LRRIQ1: variants seen among roughly 807,000 people sequenced by gnomAD.
The protein encoded by LRRIQ1 is leucine rich repeats and IQ motif containing 1, also known as leucine-rich repeat- and IQ domain-containing protein 1.
A neutral mutation model predicts 211.9 loss-of-function variants in LRRIQ1; 210 were observed. The ratio of observed to expected loss-of-function variants is 0.99; its 90% CI spans 0.89 to 1.11. LRRIQ1 has a LOEUF of 1.11. Among genes scored for constraint, LRRIQ1 ranks in the 50% most tolerant of loss-of-function variants. LRRIQ1 has a pLI of 0.00. For synonymous variants in LRRIQ1, 699 were observed against 650.1 expected (o/e 1.08, Z -1.14); for missense variants, 2,136 against 1,939.5 (o/e 1.10, Z -1.90).
intron 24 of LRRIQ1, among the ~76,000 whole-genome samples, chr12:85,214,747 AACTT>A (rs140049840): frequency 9.3e-4 from 142 of 152,218 alleles, no homozygotes; most frequent in African/African-American, 3.2e-3. Context: ...AAAAATATAA[AACTT>A]ACAGAAGATA....
At chr12:85,065,101 GC>G (rs937177676) in intron 8 of LRRIQ1, among the ~76,000 whole-genome samples, 160 bp from the exon 9 acceptor site, 2 of 151,796 alleles carry the variant, frequency 1.3e-5, no homozygotes, top group African/African-American at 4.8e-5. Context: ...AACAAAAGAG[GC>G]CAGATAGCTT....
intron 26 of LRRIQ1, 63 bp downstream of exon 26, chr12:85,232,819 C>T (rs1262720076): frequency 1.8e-6 from 2 of 1,093,838 alleles, no homozygotes; most frequent in Non-Finnish European, 1.4e-6. Flanking sequence ...ATAAATGGCA[C>T]TTTAAGATAT....
intron 24 of LRRIQ1, among the ~76,000 whole-genome samples, chr12:85,179,626 G>A (rs1459506061): frequency 6.6e-6 from 1 of 151,900 alleles, no homozygotes; most frequent in Non-Finnish European, 1.5e-5. Flanking sequence ...AAATAGTTCA[G>A]TATATCCCCA....
downstream of LRRIQ1, among the ~76,000 whole-genome samples, chr12:85,248,116 G>T (rs1895785926): frequency 6.6e-6 from 1 of 151,558 alleles, no homozygotes; most frequent in South Asian, 2.1e-4. Context: ...CTCATTTAAT[G>T]CTTAAAGTAT....
In LRRIQ1 at chr12:85,192,921, A is replaced by AGTT. The variant is rs1157746244; in HGVS notation, c.4822+32207_4822+32208insGTT. 9.8e-4 allele frequency among the ~76,000 whole-genome samples: 93 copies of AGTT among 94,484 alleles called. 5 individuals are homozygous for AGTT. Among genetic ancestry groups the AGTT allele is most frequent in the African/African-American group, 3.8e-3 (86 of 22,556 alleles). The allele number at this position is 94,484 out of a possible 152,430, so 62.0% of individuals were successfully genotyped here. On this transcript the variant is annotated intron_variant, in intron 24 of 26. Coordinates refer to ENST00000393217, the MANE Select transcript of LRRIQ1 (RefSeq NM_001079910.2). ...ATACTATAATTATACATAAATATAT[A>AGTT]ATTATATAATATAATTATATATAAA...
rs1219904915 is a variant in LRRIQ1 at position 85,056,264 on chromosome 12, C to T, written c.1471C>T (p.Arg491Ter). The change falls in exon 8 of 27, where the codon CGA (arginine) becomes TGA (stop). Residue 491 changes from arginine (R) to a stop codon, truncating the protein, a stop_gained. Coordinates refer to ENST00000393217, the MANE Select transcript of LRRIQ1 (RefSeq NM_001079910.2). LOFTEE classifies it high-confidence loss of function. ...EEKNENLAKK[R>*]CSEELVKQER... ...AAAAAATGAAAACCTAGCAAAAAAA[C>T]GATGTTCAGAAGAATTGGTCAAGCA... The T allele has an allele frequency of 2.4e-5, 37 of 1,569,462 alleles. No individual in the cohort carries two copies. The highest frequency in any genetic ancestry group is 2.8e-5 in the African/African-American group (2 of 71,942).
chr12:85,177,109 G>A (rs139726878), intron 24 of LRRIQ1, among the ~76,000 whole-genome samples: 1 of 152,062 alleles, frequency 6.6e-6, no homozygotes, highest in Non-Finnish European at 1.5e-5. Context: ...AAGTCACTGG[G>A]TAAATTGAAT....
intron 23 of LRRIQ1, among the ~76,000 whole-genome samples, chr12:85,155,801 T>G (rs1445499264): frequency 2.0e-5 from 3 of 151,724 alleles, no homozygotes; most frequent in Non-Finnish European, 3.0e-5. Flanking sequence ...TATAGGTCTT[T>G]CTTGCCAACT....
chr12:85,156,512 A>G (rs916548544), intron 23 of LRRIQ1, among the ~76,000 whole-genome samples: 1 of 151,720 alleles, frequency 6.6e-6, no homozygotes, highest in Non-Finnish European at 1.5e-5. Flanking sequence ...TTTTCTTCTT[A>G]TAGAATAAAA....
chr12:85,094,358 A>T lies in LRRIQ1; in HGVS notation c.2888-3997A>T, dbSNP rs982438922. 9.2e-5 allele frequency among the ~76,000 whole-genome samples: 14 copies of T among 152,276 alleles called. No homozygotes were observed. The East Asian group carries it at 2.7e-3, about 29-fold the overall frequency. ...ATATACTAAAATGTAATAATAATAA[A>T]AATAAATTTCACAATAAAGGCAATT... On this transcript the variant is annotated intron_variant, in intron 11 of 26. Coordinates refer to ENST00000393217, the MANE Select transcript of LRRIQ1 (RefSeq NM_001079910.2).
intron 15 of LRRIQ1, among the ~76,000 whole-genome samples, chr12:85,109,208 T>A (rs562667973): frequency 6.6e-6 from 1 of 152,318 alleles, no homozygotes; most frequent in South Asian, 2.1e-4. Context: ...GAATAGTCTG[T>A]CTTCCCACTC....
chr12:85,220,359 A>T (rs1481915251), intron 24 of LRRIQ1, among the ~76,000 whole-genome samples: 1 of 152,056 alleles, frequency 6.6e-6, no homozygotes, highest in African/African-American at 2.4e-5. Flanking sequence ...TTGAATCTTA[A>T]TCTCCCTCAC....
At chr12:85,134,597 C>T (rs539138363) in intron 18 of LRRIQ1, among the ~76,000 whole-genome samples, 68 of 152,146 alleles carry the variant, frequency 4.5e-4, no homozygotes, top group African/African-American at 1.3e-3. Flanking sequence ...TGTTCCTTTG[C>T]ATTTCCATCA....
chr12:85,135,051 G>A (rs969488020), intron 18 of LRRIQ1, among the ~76,000 whole-genome samples: 3 of 151,914 alleles, frequency 2.0e-5, no homozygotes, highest in African/African-American at 4.8e-5. Flanking sequence ...ACAAATTCCT[G>A]TAGCATTTAA....
rs1477726714 is a variant in LRRIQ1 at position 85,131,337 on chromosome 12, A to G, written c.4209+3304A>G. 2.0e-5 allele frequency among the ~76,000 whole-genome samples: 3 copies of G among 151,964 alleles called. No individual in the cohort carries two copies. The South Asian group carries it at 6.2e-4, about 32-fold the overall frequency. ...TCTGATTGGCTGAAATGGAGACAGCACCCAAGTCACCTCATGTTAAAGTGC... is the reference window on the plus strand; with the variant it reads ...TCTGATTGGCTGAAATGGAGACAGCGCCCAAGTCACCTCATGTTAAAGTGC... On this transcript the variant is annotated intron_variant, in intron 18 of 26. Transcript: ENST00000393217.
At chr12:85,153,961 A>T (rs1309687351) in intron 22 of LRRIQ1, 51 bp from the exon 23 acceptor site, 6 of 1,253,018 alleles carry the variant, frequency 4.8e-6, no homozygotes, top group Non-Finnish European at 6.6e-6. Context: ...TGCATATCTA[A>T]ATATGATCCG....
chr12:85,037,502 C>A (rs1490851729), intron 1 of LRRIQ1, among the ~76,000 whole-genome samples: 1 of 151,618 alleles, frequency 6.6e-6, no homozygotes, highest in Non-Finnish European at 1.5e-5. Context: ...CTTTTCTTTT[C>A]TTTCTTTTCC....
chr12:85,080,452 G>C (rs147917355), intron 11 of LRRIQ1, among the ~76,000 whole-genome samples: 1 of 151,306 alleles, frequency 6.6e-6, no homozygotes, highest in Admixed American at 6.6e-5. Context: ...TCTTTTATAT[G>C]AGATGTATGT....
chr12:85,144,308 A>G (rs1169919932), intron 19 of LRRIQ1, among the ~76,000 whole-genome samples: 1 of 151,632 alleles, frequency 6.6e-6, no homozygotes, highest in Non-Finnish European at 1.5e-5. Flanking sequence ...AAGAAAAGAG[A>G]TAAGATCCCT....
Sources: allele counts gnomAD v4.1 joint callset (sites outside exome capture counted in the v4.1 genomes callset), GRCh38; gene constraint gnomAD v4.1.1; transcripts MANE v1.5; gene names NCBI Gene and HGNC (gene_info 2026-07-23, HGNC 2026-07-21).